DEAF1: variants seen among roughly 807,000 people sequenced by gnomAD.
DEAF1 encodes DEAF1 transcription factor.
Under a neutral mutation model 58.9 loss-of-function variants are expected in DEAF1, and 53 were observed. The observed-to-expected ratio is 0.90, with a 90% CI of 0.72 to 1.13. The LOEUF is 1.13. Ranked by LOEUF, DEAF1 falls within the 50% of genes most tolerant of loss-of-function variation. The pLI is 0.00. For synonymous variants in DEAF1, 385 were observed against 340.4 expected (o/e 1.13, Z -1.44); for missense variants, 685 against 791.4 (o/e 0.87, Z 1.61).
At chr11:655,203 C>T (rs889200349) in intron 10 of DEAF1, among the ~76,000 whole-genome samples, 1 of 152,222 alleles carries the variant, frequency 6.6e-6, no homozygotes, top group Non-Finnish European at 1.5e-5. Flanking sequence ...CTGTGGGCAT[C>T]AGCCTGGGCG....
Position 644,714 on chromosome 11 carries a change from G to T in DEAF1, c.1594-60C>A. On this transcript the variant is annotated intron_variant, in intron 11 of 11. Coordinates refer to ENST00000382409, the MANE Select transcript of DEAF1 (RefSeq NM_021008.4). The surrounding 1 kb of genome is among the most constrained non-coding windows in gnomAD (Gnocchi z 4.3). ...AGTGGGTGGAGCAGGGTCTGGGCAG[G>T]GTCCCCAAGGCAGACCCCAGAGGGT... 7.2e-7 allele frequency: 1 copy of T among 1,388,804 alleles called. No individual in the cohort carries two copies. The highest frequency in any genetic ancestry group is 9.9e-7 in the Non-Finnish European group (1 of 1,005,152). The allele number at this position is 1,388,804 out of a possible 1,614,324, so 86.0% of individuals were successfully genotyped here. A position where few individuals can be genotyped will look rare whatever the true frequency, so the allele number is the denominator to read the frequency against.
At chr11:687,073 C>T in intron 4 of DEAF1, 76 bp from the exon 5 acceptor site, 1 of 1,597,802 alleles carries the variant, frequency 6.3e-7, no homozygotes, top group Middle Eastern at 2.2e-4. Flanking sequence ...CCTGGCGCCT[C>T]CTCAACCCCT....
chr11:700,387 C>T (rs533923710), intron 1 of DEAF1: 123 of 791,094 alleles, frequency 1.6e-4, no homozygotes, highest in Admixed American at 1.2e-3. Flanking sequence ...AGTAGCCGGG[C>T]GTGGTGGTGG....
In DEAF1 at chr11:654,165, CTTTTTTTTTTTTT is replaced by C. The variant is rs369963488; in HGVS notation, c.1504-127_1504-115del. Reference sequence around the variant, plus strand: ...CCCCAAGTTCCCCCCATTGGACCCCCTTTTTTTTTTTTTTTTTTTTTGAGATGGAGTCTCACTC... The same window carrying C: ...CCCCAAGTTCCCCCCATTGGACCCCCTTTTTTTTGAGATGGAGTCTCACTC... On this transcript the variant is annotated intron_variant, in intron 10 of 11. Transcript: ENST00000382409. 762 of 412,040 alleles carry C rather than the reference CTTTTTTTTTTTTT, an allele frequency of 1.8e-3. 14 individuals carry two copies. The highest frequency in any genetic ancestry group is 2.6e-3 in the South Asian group (123 of 47,338). The allele number at this position is 412,040 out of a possible 1,614,324, so 25.5% of individuals were successfully genotyped here.
At chr11:645,057 G>C (rs11246232) in intron 11 of DEAF1, among the ~76,000 whole-genome samples, 74,389 of 150,648 alleles carry the variant, frequency 0.49, 18,619 homozygotes, top group East Asian at 0.73. Context: ...CAGCTACTCG[G>C]GAAGCTGAGG....
chr11:661,473 G>A (rs962961988), intron 10 of DEAF1, among the ~76,000 whole-genome samples: 3 of 152,046 alleles, frequency 2.0e-5, no homozygotes, highest in African/African-American at 7.2e-5. Flanking sequence ...ACTTTGGAAG[G>A]CCGAGACAGG....
upstream of DEAF1, chr11:695,513 G>C: frequency 1.0e-6 from 1 of 981,052 alleles, no homozygotes; most frequent in Non-Finnish European, 1.3e-6. Context: ...CTCTCAGAGA[G>C]AGCTTAGTGC....
intron 10 of DEAF1, among the ~76,000 whole-genome samples, chr11:661,512 C>T (rs1859318820): frequency 6.6e-6 from 1 of 152,034 alleles, no homozygotes; most frequent in Admixed American, 6.6e-5. Flanking sequence ...GGGTTCAACA[C>T]CAGCCTGGCC....
At chr11:646,438 G>C (rs763945744) in intron 11 of DEAF1, 1 of 152,176 alleles carries the variant, frequency 6.6e-6, no homozygotes, top group Non-Finnish European at 1.5e-5. Context: ...GTGGGGTGAG[G>C]GGCCTGCACC....
In DEAF1 at chr11:700,263, A is replaced by G. The variant is rs369908959; in HGVS notation, c.-438+6309T>C. 103 of 1,594,910 alleles carry G rather than the reference A, an allele frequency of 6.5e-5. No individual in the cohort carries two copies. The African/African-American group carries it at 1.3e-3, about 20-fold the overall frequency. On this transcript the variant is annotated intron_variant, in intron 1 of 11. Transcript: ENST00000683307. ...AAGTCAGGGACGGGCACAGTGGCTCACGCCTGTAATCCCAACATTTTGGGA... is the reference window on the plus strand; with the variant it reads ...AAGTCAGGGACGGGCACAGTGGCTCGCGCCTGTAATCCCAACATTTTGGGA...
rs778053757 is a variant in DEAF1, at chr11:679,771, G to C, written c.1043C>G (p.Thr348Ser). 7.4e-6 allele frequency: 12 copies of C among 1,613,914 alleles called. No homozygotes were observed. The highest frequency in any genetic ancestry group is 1.0e-5 in the Non-Finnish European group (12 of 1,180,044). The change falls in exon 8 of 12, where the codon ACC (threonine) becomes AGC (serine). Residue 348 changes from threonine (T) to serine (S), a missense_variant. Thr to Ser is a moderately conservative substitution (Grantham distance 58). Coordinates refer to ENST00000382409, the MANE Select transcript of DEAF1 (RefSeq NM_021008.4). ...CTCTACCGTGGACGCTCGGTCAAAG[G>C]TCAGTGCCCCCGAGGTCGTGATCTG... The part of the protein sequence containing the change: ...SGQITTSGAL[T>S]FDRASTVEAT...
chr11:695,932 G>A (rs915668006), upstream of DEAF1: 335 of 1,042,744 alleles, frequency 3.2e-4, no homozygotes, highest in Non-Finnish European at 3.7e-4. Flanking sequence ...TCCGCTTTCG[G>A]TGCGCTCACG....
chr11:662,927 C>T (rs1294528332), intron 10 of DEAF1, among the ~76,000 whole-genome samples: 2 of 152,176 alleles, frequency 1.3e-5, no homozygotes, highest in Admixed American at 6.5e-5. Context: ...CTGACCCTGC[C>T]GCACCCCCAG....
chr11:695,242 G>A, upstream of DEAF1: 1 of 495,536 alleles, frequency 2.0e-6, no homozygotes, highest in East Asian at 3.8e-5. Flanking sequence ...GCGGAGCCGA[G>A]GCGAACAGAG....
intron 8 of DEAF1, 141 bp from the exon 9 acceptor site, chr11:678,963 G>T: frequency 9.0e-7 from 1 of 1,114,940 alleles, no homozygotes; most frequent in Non-Finnish European, 1.3e-6. Context: ...GAAATGTGGT[G>T]ATCCTGAATC....
intron 10 of DEAF1, among the ~76,000 whole-genome samples, chr11:655,433 A>G (rs1467392868): frequency 6.6e-6 from 1 of 152,266 alleles, no homozygotes; most frequent in Non-Finnish European, 1.5e-5. Context: ...GGTGCTTGAC[A>G]GTTGTGAGCT....
intron 4 of DEAF1, 126 bp from the exon 5 acceptor site, chr11:687,123 C>A: frequency 7.2e-7 from 1 of 1,397,656 alleles, no homozygotes; most frequent in Non-Finnish European, 9.9e-7. Flanking sequence ...GTGATCTCAC[C>A]CACCCACATA....
Position 678,800 on chromosome 11 carries a change from G to T in DEAF1, c.1149C>A (p.Pro383=). 6.2e-7 allele frequency: 1 copy of T among 1,614,118 alleles called. No individual in the cohort carries two copies. Among genetic ancestry groups the T allele is most frequent in the Non-Finnish European group, 8.5e-7 (1 of 1,180,002 alleles). Residue 383 remains proline, a synonymous_variant, in exon 9 of 12, where the codon CCC becomes CCA. Coordinates refer to ENST00000382409, the MANE Select transcript of DEAF1 (RefSeq NM_021008.4). The stretch of plus-strand genomic sequence containing the variant: ...GCTCAGGGTGGCTGGCCCTGCATGG[G>T]GGCTGCACGCTGGCCTCTTGGACTG... ...GATVQEASVQ[P]PCRASHPEPH...
chr11:680,904 G>C, intron 7 of DEAF1, 59 bp downstream of exon 7: 3 of 1,612,520 alleles, frequency 1.9e-6, no homozygotes, highest in South Asian at 2.2e-5. Flanking sequence ...GTGGTGACGA[G>C]AGAAGGCAAT....
Sources: allele counts gnomAD v4.1 joint callset (sites outside exome capture counted in the v4.1 genomes callset), GRCh38; gene constraint gnomAD v4.1.1; non-coding constraint Gnocchi (gnomAD v3.1); transcripts MANE v1.5; gene names NCBI Gene and HGNC (gene_info 2026-07-23, HGNC 2026-07-21).